The following HTT variants were observed in gnomAD, a reference collection of about 807,000 sequenced individuals.
HTT encodes the protein huntingtin.
In HTT, 104 loss-of-function variants were observed where a neutral mutation model predicts 362.3. The observed-to-expected ratio is 0.29, with a 90% CI of 0.24 to 0.34. The LOEUF is 0.34. Ranked by LOEUF, HTT falls within the 10% of genes least tolerant of loss-of-function variation. The probability of loss-of-function intolerance (pLI) is 1.00; values close to 1 mark genes in which losing one functional copy is unlikely to be tolerated. For missense variants in HTT, 3,301 were observed against 3,928.6 expected, an observed-to-expected ratio of 0.84 and a Z score of 4.27; for synonymous variants, 1,577 against 1,548.7, an observed-to-expected ratio of 1.02 and a Z score of -0.43.
intron 35 of HTT, among the ~76,000 whole-genome samples, chr4:3,179,630 G>T (rs1343068831): frequency 6.6e-6 from 1 of 151,620 alleles, no homozygotes; most frequent in Admixed American, 6.6e-5. Flanking sequence ...TGAGGGGTCA[G>T]AGTGTGCCTG....
intron 36 of HTT, among the ~76,000 whole-genome samples, 190 bp from the exon 37 acceptor site, chr4:3,182,163 GT>G (rs1460992430): frequency 1.3e-5 from 2 of 152,160 alleles, no homozygotes; most frequent in Non-Finnish European, 2.9e-5. Flanking sequence ...CTTGTGTTTC[GT>G]TCTGATTCCC....
At chr4:3,095,521 G>T (rs1713813460) in intron 2 of HTT, among the ~76,000 whole-genome samples, 1 of 152,044 alleles carries the variant, frequency 6.6e-6, no homozygotes, top group East Asian at 1.9e-4. Flanking sequence ...CTGTGCGAGG[G>T]CGAGGGCGAG....
chr4:3,173,508 T>C (rs989961354), intron 31 of HTT, among the ~76,000 whole-genome samples: 3 of 152,304 alleles, frequency 2.0e-5, no homozygotes, highest in African/African-American at 7.2e-5. Flanking sequence ...GTGTGGCATG[T>C]GTTGGTGGCA....
chr4:3,095,583 C>T (rs1010554154), intron 2 of HTT, among the ~76,000 whole-genome samples: 2 of 152,116 alleles, frequency 1.3e-5, no homozygotes, highest in Non-Finnish European at 2.9e-5. Context: ...TGGACTCTGG[C>T]CTCTAAAACT....
chr4:3,232,667 C>A (rs1721313531), intron 60 of HTT, among the ~76,000 whole-genome samples: 1 of 152,242 alleles, frequency 6.6e-6, no homozygotes, highest in Non-Finnish European at 1.5e-5. Flanking sequence ...TTAGCAAGGG[C>A]AGAGGCCCAT....
chr4:3,076,078 A>C (rs1712534785), intron 1 of HTT, among the ~76,000 whole-genome samples: 1 of 152,202 alleles, frequency 6.6e-6, no homozygotes, highest in Admixed American at 6.5e-5. Context: ...TGGGCATCTC[A>C]GATGTGCCAG....
chr4:3,236,306 C>T (rs767163867), intron 64 of HTT, 52 bp downstream of exon 64: 1 of 1,286,598 alleles, frequency 7.8e-7, no homozygotes, highest in South Asian at 1.2e-5. Flanking sequence ...GAACTTTGGC[C>T]TGAAGCTGTG....
intron 40 of HTT, among the ~76,000 whole-genome samples, chr4:3,191,932 A>G (rs1057109021): frequency 2.6e-5 from 4 of 152,204 alleles, no homozygotes; most frequent in Admixed American, 1.3e-4. Context: ...GAGTAAGAGA[A>G]AGAATGTGTT....
At chr4:3,107,202 CT>C in intron 5 of HTT, 82 bp from the exon 6 acceptor site, 1 of 1,461,728 alleles carries the variant, frequency 6.8e-7, no homozygotes. Context: ...ATAAAACTGG[CT>C]TTTCCCTAAC....
intron 1 of HTT, among the ~76,000 whole-genome samples, chr4:3,079,966 G>C (rs1225657989): frequency 6.6e-6 from 1 of 152,196 alleles, no homozygotes. Context: ...TGCGTTATCA[G>C]GTTTGTATTC....
chr4:3,182,542 C>A, intron 37 of HTT, 72 bp downstream of exon 37: 1 of 889,800 alleles, frequency 1.1e-6, no homozygotes, highest in Non-Finnish European at 1.9e-6. Context: ...AGGTGGGTGG[C>A]TGGAATCAGC....
chr4:3,160,420 T>C lies in HTT; in HGVS notation c.3864+28T>C, dbSNP rs376339740. ...TTGTGTCTTGTTTTTTCTCCTTGGG[T>C]TGTGGCTGGCACACTTGATGTGCGT... is the stretch of plus-strand genomic sequence containing the variant. On this transcript the variant is annotated intron_variant, in intron 29 of 66. Transcript: ENST00000355072. 2.6e-5 allele frequency: 37 copies of C among 1,421,378 alleles called. 1 individual carries two copies. Among genetic ancestry groups the C allele is most frequent in the East Asian group, 1.7e-4 (7 of 40,350 alleles). The allele number at this position is 1,421,378 out of a possible 1,614,324, so 88.0% of individuals were successfully genotyped here.
rs1300473110 is a variant in HTT at position 3,180,668 on chromosome 4, T to C, written c.4749+17T>C. On this transcript the variant is annotated intron_variant, in intron 36 of 66. Coordinates refer to ENST00000355072, the MANE Select transcript of HTT (RefSeq NM_001388492.1). ...TACCATCAGGTAAGAGGAATGTATG[T>C]TGGAACTGTCGTGGATACTTTATTG... 4 of 1,608,820 alleles carry C rather than the reference T, an allele frequency of 2.5e-6. No homozygotes were observed. The highest frequency in any genetic ancestry group is 2.5e-6 in the Non-Finnish European group (3 of 1,177,494).
chr4:3,216,666 G>C (rs963637328), intron 51 of HTT, among the ~76,000 whole-genome samples: 5 of 152,246 alleles, frequency 3.3e-5, no homozygotes, highest in Non-Finnish European at 7.3e-5. Context: ...CTTTAGGCAA[G>C]AGTGGGAAGC....
At chr4:3,121,158 A>C in intron 8 of HTT, 70 bp from the exon 9 acceptor site, 1 of 1,178,484 alleles carries the variant, frequency 8.5e-7, no homozygotes, top group Non-Finnish European at 1.2e-6. Flanking sequence ...TATTAAAAAC[A>C]ACAAAAAAGT....
chr4:3,169,644 GCT>G, intron 29 of HTT, among the ~76,000 whole-genome samples: 1 of 152,010 alleles, frequency 6.6e-6, no homozygotes, highest in East Asian at 1.9e-4. Flanking sequence ...TGCGATATCA[GCT>G]CACTGCAACC....
At position 3,134,561 on chromosome 4, in the gene HTT, A is replaced by G. The variant is rs575556863; in HGVS notation, c.2633+21A>G. ...TTCAGGTAAGTGAGTCACATCCATT[A>G]GATTTCATGAACTAAGCTCAATTGA... is the stretch of plus-strand genomic sequence containing the variant. On this transcript the variant is annotated intron_variant, in intron 19 of 66. Coordinates refer to ENST00000355072, the MANE Select transcript of HTT (RefSeq NM_001388492.1). 9.2e-5 allele frequency: 147 copies of G among 1,605,412 alleles called. No homozygotes were observed. The South Asian group carries it at 1.6e-3, about 17-fold the overall frequency.
At chr4:3,144,728 C>G (rs1716517895) in intron 23 of HTT, among the ~76,000 whole-genome samples, 1 of 152,148 alleles carries the variant, frequency 6.6e-6, no homozygotes, top group Non-Finnish European at 1.5e-5. Context: ...ATATCGTAAA[C>G]TTTGCTTATT....
At chr4:3,205,777 T>C (rs1357276614) in intron 42 of HTT, among the ~76,000 whole-genome samples, 1 of 152,194 alleles carries the variant, frequency 6.6e-6, no homozygotes, top group East Asian at 1.9e-4. Context: ...CAGATAAGGG[T>C]TATTCAACCT....
Sources: gnomAD v4.1 joint callset for allele counts (sites outside exome capture counted in the v4.1 genomes callset) on GRCh38, gnomAD v4.1.1 for gene constraint, MANE v1.5 for transcripts, NCBI Gene and HGNC (gene_info 2026-07-23, HGNC 2026-07-21) for gene names.